The following XPR1 variants were observed in gnomAD, a reference collection of about 807,000 sequenced individuals.
XPR1 encodes the protein solute carrier family 53 member 1.
A neutral mutation model predicts 87.5 loss-of-function variants in XPR1; 28 were observed. The ratio of observed to expected loss-of-function variants is 0.32; its 90% CI spans 0.24 to 0.44. The LOEUF is 0.44. Among genes scored for constraint, XPR1 ranks in the 20% least tolerant of loss-of-function variants. The pLI is 1.00. For missense variants in XPR1, 559 were observed against 862.3 expected (o/e 0.65, Z 4.41); for synonymous variants, 300 against 306.1 (o/e 0.98, Z 0.21).
intron 11 of XPR1, among the ~76,000 whole-genome samples, chr1:180,842,294 G>A (rs1651545444): frequency 6.6e-6 from 1 of 152,098 alleles, no homozygotes; most frequent in Non-Finnish European, 1.5e-5. Flanking sequence ...TTGTTTCAGA[G>A]TGTCTCATGT....
chr1:180,831,367 T>TCTTTTTC (rs1553252335), intron 9 of XPR1, among the ~76,000 whole-genome samples: 1 of 135,218 alleles, frequency 7.4e-6, no homozygotes, highest in African/African-American at 2.9e-5. Flanking sequence ...TTTTTCTTTT[T>TCTTTTTC]TTTTTTTTTT....
chr1:180,740,503 T>C (rs1055265345), intron 2 of XPR1, among the ~76,000 whole-genome samples: 7 of 152,176 alleles, frequency 4.6e-5, no homozygotes, highest in Admixed American at 3.9e-4. Flanking sequence ...ATTCCTGAGA[T>C]CTACTCCCAC....
chr1:180,863,825 A>G lies in XPR1; in HGVS notation c.1619A>G (p.Asn540Ser), dbSNP rs1467091708. Residue 540 changes from asparagine to serine, a missense_variant, in exon 12 of 15, where the codon AAT (asparagine) becomes AGT (serine). This residue lies in a region of XPR1 where 264 missense variants were observed against 377.2 expected (regional missense o/e 0.70). Transcript: ENST00000367590. ...ATGGACTGGGGTCTCTTCGATAAGA[A>G]TGCTGGAGAGAACACTTTCCTCCGG... ...LKMDWGLFDK[N>S]AGENTFLREE... 1 of 1,611,396 alleles carries G rather than the reference A, an allele frequency of 6.2e-7. No homozygotes were observed.
intron 2 of XPR1, among the ~76,000 whole-genome samples, chr1:180,774,814 T>C (rs1186797966): frequency 6.6e-6 from 1 of 152,194 alleles, no homozygotes; most frequent in Non-Finnish European, 1.5e-5. Context: ...CAAAATACTT[T>C]AGTCTGGGTA....
chr1:180,836,932 GAAT>G (rs1651315231), intron 11 of XPR1, among the ~76,000 whole-genome samples: 1 of 152,096 alleles, frequency 6.6e-6, no homozygotes. Flanking sequence ...CAGTCACCCA[GAAT>G]AATAATTTGT....
At chr1:180,689,086 A>G (rs1032531913) in intron 2 of XPR1, among the ~76,000 whole-genome samples, 3 of 152,296 alleles carry the variant, frequency 2.0e-5, no homozygotes, top group Admixed American at 6.5e-5. Context: ...TGAGAATCCA[A>G]TAGTCAACCA....
rs3761904 is a variant in XPR1 at position 180,787,920 on chromosome 1, A to G, written c.223+66A>G. 0.37 allele frequency: 440,675 copies of G among 1,197,858 alleles called. 84,086 individuals are homozygous for G. Among genetic ancestry groups the G allele is most frequent in the Non-Finnish European group, 0.39 (325,665 of 826,294 alleles). 74.2% of individuals were successfully genotyped at this position (1,197,858 alleles called of 1,614,324 possible). On this transcript the variant is annotated intron_variant, in intron 3 of 14. Coordinates refer to ENST00000367590, the MANE Select transcript of XPR1 (RefSeq NM_004736.4). ...GATAAATTGTACCATATCATTGTTT[A>G]AACTTCTGATCAATGTTTTTAAATT...
At chr1:180,801,861 G>A (rs1480481011) in intron 3 of XPR1, among the ~76,000 whole-genome samples, 2 of 150,934 alleles carry the variant, frequency 1.3e-5, no homozygotes, top group Non-Finnish European at 2.9e-5. Context: ...GCTCACTGCA[G>A]CCTCTGCTCA....
intron 2 of XPR1, among the ~76,000 whole-genome samples, chr1:180,707,523 A>G (rs1213419085): frequency 1.3e-5 from 2 of 152,178 alleles, no homozygotes; most frequent in Non-Finnish European, 2.9e-5. Flanking sequence ...GAGAGATTCT[A>G]CCTTTTTAAA....
intron 2 of XPR1, among the ~76,000 whole-genome samples, chr1:180,696,326 A>C (rs999058514): frequency 1.3e-5 from 2 of 151,530 alleles, no homozygotes; most frequent in Non-Finnish European, 2.9e-5. Flanking sequence ...TTTGTATCCT[A>C]CAACTTTACG....
intron 2 of XPR1, among the ~76,000 whole-genome samples, chr1:180,731,594 T>A (rs1177264915): frequency 6.6e-6 from 1 of 152,168 alleles, no homozygotes; most frequent in East Asian, 1.9e-4. Flanking sequence ...AATTTCTATG[T>A]CCATCCAAAA....
At chr1:180,849,918 G>C (rs1651809949) in intron 11 of XPR1, among the ~76,000 whole-genome samples, 1 of 152,148 alleles carries the variant, frequency 6.6e-6, no homozygotes, top group African/African-American at 2.4e-5. Context: ...CATCAAGAAA[G>C]GGGACCCAGG....
intron 11 of XPR1, among the ~76,000 whole-genome samples, chr1:180,842,133 T>A (rs1346173626): frequency 6.6e-6 from 1 of 152,206 alleles, no homozygotes; most frequent in African/African-American, 2.4e-5. Flanking sequence ...ATGAAATGTA[T>A]GTGTACTGTT....
At chr1:180,685,445 C>T (rs1039206019) in intron 2 of XPR1, among the ~76,000 whole-genome samples, 1 of 152,044 alleles carries the variant, frequency 6.6e-6, no homozygotes, top group Non-Finnish European at 1.5e-5. Context: ...GTCTAAAATT[C>T]TCTTTTTTTG....
At chr1:180,718,729 C>T (rs111856472) in intron 2 of XPR1, among the ~76,000 whole-genome samples, 6,335 of 147,300 alleles carry the variant, frequency 0.043, 480 homozygotes, top group African/African-American at 0.15. Flanking sequence ...AGTGCAGTGG[C>T]GCAATCTCGG....
intron 11 of XPR1, among the ~76,000 whole-genome samples, chr1:180,846,504 C>T (rs549703250): frequency 2.6e-5 from 4 of 151,306 alleles, no homozygotes; most frequent in Admixed American, 1.3e-4. Flanking sequence ...TGCAGTGGCA[C>T]GATCTCAGCT....
At chr1:180,710,219 T>A (rs1029496248) in intron 2 of XPR1, among the ~76,000 whole-genome samples, 11 of 151,654 alleles carry the variant, frequency 7.3e-5, no homozygotes, top group African/African-American at 2.4e-4. Context: ...TTTTTTTTTT[T>A]AATTGATCAT....
chr1:180,822,943 A>G (rs1650691208), intron 7 of XPR1, among the ~76,000 whole-genome samples: 1 of 152,208 alleles, frequency 6.6e-6, no homozygotes, highest in Non-Finnish European at 1.5e-5. Context: ...ATTTAAGTAT[A>G]TAAATTAGTA....
intron 2 of XPR1, among the ~76,000 whole-genome samples, chr1:180,734,232 GC>G (rs1464090889): frequency 1.3e-5 from 2 of 152,184 alleles, no homozygotes; most frequent in East Asian, 3.8e-4. Context: ...TGCACAGAAA[GC>G]CAACCACTGA....
Sources: gnomAD v4.1 joint callset for allele counts (sites outside exome capture counted in the v4.1 genomes callset) on GRCh38, gnomAD v4.1.1 for gene constraint, gnomAD v4.1.1 regional missense constraint, MANE v1.5 for transcripts, NCBI Gene and HGNC (gene_info 2026-07-23, HGNC 2026-07-21) for gene names.